FABP1: variants seen among roughly 807,000 people sequenced by gnomAD.
FABP1 encodes fatty acid binding protein 1, also known as fatty acid-binding protein, liver.
A neutral mutation model predicts 13.7 loss-of-function variants in FABP1; 13 were observed. That is an observed-to-expected ratio of 0.95 (90% CI 0.62 to 1.51). The LOEUF (loss-of-function observed/expected upper bound fraction) is 1.51. FABP1 is among the 40% of genes most tolerant of loss of function. FABP1 has a pLI of 0.00. For synonymous variants in FABP1, 48 were observed against 59.8 expected (o/e 0.80, Z 0.91); for missense variants, 140 against 155.7 (o/e 0.90, Z 0.54).
chr2:88,123,326 G>A (rs1675238186), intron 3 of FABP1: 2 of 544,110 alleles, frequency 3.7e-6, no homozygotes, highest in Non-Finnish European at 6.5e-6. Context: ...TCCTCACCTG[G>A]AAAGTCCTCC....
chr2:88,123,243 G>C, intron 3 of FABP1, 139 bp from the exon 4 acceptor site: 2 of 682,656 alleles, frequency 2.9e-6, no homozygotes, highest in Non-Finnish European at 5.0e-6. Context: ...AAATTCGTCT[G>C]GTTTCCTGTA....
Position 88,127,923 on chromosome 2 carries a change from C to T in FABP1, c.67+28G>A, listed in dbSNP as rs1374120217. On this transcript the variant is annotated intron_variant, in intron 1 of 3. Coordinates refer to ENST00000295834, the MANE Select transcript of FABP1 (RefSeq NM_001443.3). ...GCTAGACCCTCACTGATGTGACCCA[C>T]AGCTTTGCCTTTCAGTCCAGCACTC... 23 of 1,612,914 alleles carry T rather than the reference C, an allele frequency of 1.4e-5. No homozygotes were observed. In the East Asian group the frequency reaches 5.1e-4, roughly 36 times the overall value.
chr2:88,127,665 A>G (rs1360961344), intron 1 of FABP1, among the ~76,000 whole-genome samples: 1 of 152,180 alleles, frequency 6.6e-6, no homozygotes, highest in Non-Finnish European at 1.5e-5. Flanking sequence ...TTGTTTGAAG[A>G]ATGAATAAAT....
intron 1 of FABP1, 199 bp from the exon 2 acceptor site, chr2:88,126,547 C>T (rs913813381): frequency 1.9e-6 from 1 of 530,684 alleles, no homozygotes; most frequent in East Asian, 2.8e-5. Flanking sequence ...CCTGGCCTGG[C>T]CTGCTGCTAT....
chr2:88,124,746 G>A (rs1189327366), intron 2 of FABP1, among the ~76,000 whole-genome samples, 160 bp from the exon 3 acceptor site: 1 of 152,128 alleles, frequency 6.6e-6, no homozygotes, highest in Admixed American at 6.6e-5. Flanking sequence ...AAATAGAAGT[G>A]AGGTGCATTT....
Position 88,126,403 on chromosome 2 carries a change from G to A in FABP1, c.68-55C>T, listed in dbSNP as rs1195253821. The A allele has an allele frequency of 8.3e-6, 13 of 1,562,960 alleles. No homozygotes were observed. The Middle Eastern group carries it at 5.1e-4, about 61-fold the overall frequency. ...GGGCAGAGGTGGGAGTTTCATGACCGTGGTAGGTAGGTGAGAGAAACGACA... is the reference window on the plus strand; with the variant it reads ...GGGCAGAGGTGGGAGTTTCATGACCATGGTAGGTAGGTGAGAGAAACGACA... On this transcript the variant is annotated intron_variant, in intron 1 of 3. Transcript: ENST00000295834.
chr2:88,124,380 TG>T, intron 3 of FABP1, 113 bp downstream of exon 3: 1 of 685,542 alleles, frequency 1.5e-6, no homozygotes. Context: ...GAAAGAAGTT[TG>T]GGGGTTGGAG....
chr2:88,127,964 G>T lies in FABP1; in HGVS notation c.54C>A (p.Phe18Leu). The T allele has an allele frequency of 6.2e-7, 1 of 1,614,206 alleles. No individual in the cohort carries two copies. Among genetic ancestry groups the T allele is most frequent in the Non-Finnish European group, 8.5e-7 (1 of 1,180,030 alleles). Residue 18 changes from phenylalanine (F) to leucine (L), a missense_variant, in exon 1 of 4, where the codon TTC becomes TTA. Phe to Leu is a conservative substitution (Grantham distance 22, BLOSUM62 0). Transcript: ENST00000295834. ...TCCAGCACTCACCGATTGCCTTCATGAAGGCTTCAAAGTTTTCCTGGCTCT... is the reference window on the plus strand; with the variant it reads ...TCCAGCACTCACCGATTGCCTTCATTAAGGCTTCAAAGTTTTCCTGGCTCT... ...QLQSQENFEA[F>L]MKAIGLPEEL...
At chr2:88,125,823 C>T (rs1675285841) in intron 2 of FABP1, 2 of 186,096 alleles carry the variant, frequency 1.1e-5, no homozygotes, top group African/African-American at 2.3e-5. Context: ...CAAACTCCCA[C>T]TTGCCCCACT....
intron 3 of FABP1, chr2:88,123,744 G>C (rs1675245599): frequency 6.6e-6 from 1 of 152,288 alleles, no homozygotes; most frequent in Non-Finnish European, 1.5e-5. Flanking sequence ...CTGATGACTT[G>C]GACAGGTCAA....
Position 88,127,993 on chromosome 2 carries a change from G to T in FABP1, c.25C>A (p.Leu9Met). The T allele has an allele frequency of 6.2e-7, 1 of 1,614,216 alleles. No individual in the cohort carries two copies. Among genetic ancestry groups the T allele is most frequent in the Admixed American group, 1.7e-5 (1 of 60,026 alleles). ...GCTTCAAAGTTTTCCTGGCTCTGCA[G>T]TTGGTACTTGCCGGAGAAACTCATG... is the stretch of plus-strand genomic sequence containing the variant. MSFSGKYQ[L>M]QSQENFEAFM... The change falls in exon 1 of 4, where the codon CTG (leucine) becomes ATG (methionine). Residue 9 changes from leucine (L) to methionine (M), a missense_variant. Transcript: ENST00000295834.
intron 3 of FABP1, chr2:88,124,165 AG>A: frequency 3.8e-6 from 1 of 260,974 alleles, no homozygotes; most frequent in East Asian, 1.0e-4. Flanking sequence ...CAGGCTTGTA[AG>A]CTGCCATAAT....
intron 2 of FABP1, chr2:88,125,951 C>T (rs902940383): frequency 6.9e-6 from 3 of 434,728 alleles, no homozygotes; most frequent in Admixed American, 6.7e-5. Context: ...AGAGCTCAGA[C>T]TTTAGGGGCT....
rs549145956 is a variant in FABP1, at chr2:88,123,152, GTAAAAAACAAAATTAAGCA to G, written c.334-67_334-49del. On this transcript the variant is annotated intron_variant, in intron 3 of 3. Transcript: ENST00000295834. ...TGAAGTGTTCATCTGATGTTGTATT[GTAAAAAACAAAATTAAGCA>G]TAAAAAACAAAATTAAGCTTAAAAA... 5.8e-4 allele frequency: 878 copies of G among 1,505,092 alleles called. 2 individuals carry two copies. The highest frequency in any genetic ancestry group is 3.3e-3 in the African/African-American group (236 of 71,366). 93.2% of individuals were successfully genotyped at this position (1,505,092 alleles called of 1,614,324 possible).
intron 1 of FABP1, 174 bp from the exon 2 acceptor site, chr2:88,126,522 A>G: frequency 1.6e-6 from 1 of 624,798 alleles, no homozygotes; most frequent in Non-Finnish European, 2.8e-6. Context: ...GGCCTCAGAA[A>G]GGAAGGGACA....
In FABP1 at chr2:88,123,046, A is replaced by T. The variant is rs1675232430; in HGVS notation, c.*8T>A. Reference sequence around the variant, plus strand: ...TACACACTAAAATAATATGAAATGCAGACTTGTTTAAATTCTCTTGCTGAT... The same window carrying T: ...TACACACTAAAATAATATGAAATGCTGACTTGTTTAAATTCTCTTGCTGAT... On this transcript the variant is annotated 3_prime_UTR_variant, in exon 4 of 4. Coordinates refer to ENST00000295834, the MANE Select transcript of FABP1 (RefSeq NM_001443.3). The T allele has an allele frequency of 6.2e-7, 1 of 1,604,336 alleles. No homozygotes were observed. Among genetic ancestry groups the T allele is most frequent in the Non-Finnish European group, 8.5e-7 (1 of 1,174,944 alleles).
At chr2:88,126,502 C>T (rs565696656) in intron 1 of FABP1, 154 bp from the exon 2 acceptor site, 3 of 726,864 alleles carry the variant, frequency 4.1e-6, no homozygotes, top group African/African-American at 3.5e-5. Context: ...TTGTCAGCAG[C>T]ATCGGCTGTG....
Position 88,124,619 on chromosome 2 carries a change from G to C in FABP1, c.241-33C>G, listed in dbSNP as rs376396501. 3 of 1,496,532 alleles carry C rather than the reference G, an allele frequency of 2.0e-6. No homozygotes were observed. The African/African-American group carries it at 4.1e-5, about 21-fold the overall frequency. 92.7% of individuals were successfully genotyped at this position (1,496,532 alleles called of 1,614,324 possible). Reference sequence around the variant, plus strand: ...GAACAGAGAGGTGACCTGTGAGGAAGGGGTGGTGGGGGGCAAGAGCCTTGC... The same window carrying C: ...GAACAGAGAGGTGACCTGTGAGGAACGGGTGGTGGGGGGCAAGAGCCTTGC... On this transcript the variant is annotated intron_variant, in intron 2 of 3. Transcript: ENST00000295834.
chr2:88,126,232 C>G lies in FABP1; in HGVS notation c.184G>C (p.Glu62Gln). The stretch of plus-strand genomic sequence containing the variant: ...TCACATTCCTCCCCCACCGTGAATT[C>G]GTTTTGGATCACTTTGGACCCAGCG... The part of the protein sequence containing the change: ...ITAGSKVIQN[E>Q]FTVGEECELE... The change falls in exon 2 of 4, where the codon GAA becomes CAA. Residue 62 changes from glutamate to glutamine, a missense_variant. Glu to Gln is a conservative substitution (Grantham distance 29). Coordinates refer to ENST00000295834, the MANE Select transcript of FABP1 (RefSeq NM_001443.3). 6.2e-7 allele frequency: 1 copy of G among 1,612,780 alleles called. No homozygotes were observed. The highest frequency in any genetic ancestry group is 8.5e-7 in the Non-Finnish European group (1 of 1,178,974).
Sources: gnomAD v4.1 joint callset for allele counts (sites outside exome capture counted in the v4.1 genomes callset) on GRCh38, gnomAD v4.1.1 for gene constraint, MANE v1.5 for transcripts, NCBI Gene and HGNC (gene_info 2026-07-23, HGNC 2026-07-21) for gene names.